CCDC85C: variants seen among roughly 807,000 people sequenced by gnomAD.
The protein encoded by CCDC85C is coiled-coil domain-containing protein 85C.
CCDC85C carries 18 observed loss-of-function variants against 38.3 expected under a neutral mutation model. The observed-to-expected ratio is 0.47, with a 90% CI of 0.33 to 0.70. The LOEUF (loss-of-function observed/expected upper bound fraction) is 0.70. Ranked by LOEUF, CCDC85C falls within the 30% of genes least tolerant of loss-of-function variation. The pLI is 0.03. For synonymous variants in CCDC85C, 264 were observed against 293.8 expected, an observed-to-expected ratio of 0.90 and a Z score of 1.04; for missense variants, 566 against 621.2, an observed-to-expected ratio of 0.91 and a Z score of 0.94.
Position 99,502,012 on chromosome 14 carries a change from TTAC to T in CCDC85C, c.*13231_*13233del. ...TCTGATTCTTTAAGGAATAGAGAAA[TTAC>T]TAACTATGGTTAAAGTAACTTAGTC... is the stretch of plus-strand genomic sequence containing the variant. On this transcript the variant is annotated 3_prime_UTR_variant, in exon 6 of 6. Coordinates refer to ENST00000380243, the MANE Select transcript of CCDC85C (RefSeq NM_001144995.2). 1 of 521,142 alleles carries T rather than the reference TTAC, an allele frequency of 1.9e-6. No individual in the cohort carries two copies. The highest frequency in any genetic ancestry group is 3.1e-6 in the Non-Finnish European group (1 of 321,044). 32.3% of individuals were successfully genotyped at this position (521,142 alleles called of 1,614,324 possible).
At chr14:99,599,403 G>A (rs1188387885) in intron 1 of CCDC85C, among the ~76,000 whole-genome samples, 9 of 152,158 alleles carry the variant, frequency 5.9e-5, no homozygotes, top group Admixed American at 5.9e-4. Context: ...GGTGCCTGTC[G>A]TGGGGCACAG....
chr14:99,557,238 T>G (rs1263741368), intron 1 of CCDC85C, among the ~76,000 whole-genome samples: 1 of 152,194 alleles, frequency 6.6e-6, no homozygotes, highest in African/African-American at 2.4e-5. Context: ...AGTGCTGTAG[T>G]CGGGATTTGA....
chr14:99,570,494 C>T (rs564325444), intron 1 of CCDC85C, among the ~76,000 whole-genome samples: 1 of 152,300 alleles, frequency 6.6e-6, no homozygotes, highest in East Asian at 1.9e-4. Flanking sequence ...GCCAGAGGGG[C>T]CCAGGCAGAG....
In CCDC85C at chr14:99,541,427, G is replaced by A. The variant is rs148222709; in HGVS notation, c.794-5339C>T. ...TGCCTGATGCTCCTGTCTCACACAC[G>A]CCTCCCTATGATCTTATATCTCAGG... is the stretch of plus-strand genomic sequence containing the variant. On this transcript the variant is annotated intron_variant, in intron 1 of 5. Coordinates refer to ENST00000380243, the MANE Select transcript of CCDC85C (RefSeq NM_001144995.2). Among the ~76,000 whole-genome samples the A allele has an allele frequency of 3.1e-3, 466 of 152,298 alleles. 4 individuals carry two copies. Among genetic ancestry groups the A allele is most frequent in the African/African-American group, 0.01 (417 of 41,562 alleles).
chr14:99,543,652 G>T (rs774925977), intron 1 of CCDC85C, among the ~76,000 whole-genome samples: 10 of 152,192 alleles, frequency 6.6e-5, no homozygotes, highest in African/African-American at 9.7e-5. Flanking sequence ...TGAGGGCACA[G>T]CCTGAGCAAA....
At chr14:99,585,726 G>A (rs969109204) in intron 1 of CCDC85C, among the ~76,000 whole-genome samples, 3 of 152,174 alleles carry the variant, frequency 2.0e-5, no homozygotes, top group Non-Finnish European at 4.4e-5. Flanking sequence ...CACGACTAGC[G>A]TTCAGATGCA....
Position 99,506,957 on chromosome 14 carries a change from C to G in CCDC85C, c.*8289G>C, listed in dbSNP as rs1397191264. The G allele has an allele frequency of 1.3e-6, 1 of 759,068 alleles. No individual in the cohort carries two copies. Among genetic ancestry groups the G allele is most frequent in the African/African-American group, 1.7e-5 (1 of 58,500 alleles). The allele number at this position is 759,068 out of a possible 1,614,324, so 47.0% of individuals were successfully genotyped here. On this transcript the variant is annotated 3_prime_UTR_variant, in exon 6 of 6. Coordinates refer to ENST00000380243, the MANE Select transcript of CCDC85C (RefSeq NM_001144995.2). ...AAACCTTCTTCAAGTTCCCTTAAAG[C>G]CTTGGTCATCTCTGTTGTTTTTCTC...
intron 1 of CCDC85C, among the ~76,000 whole-genome samples, chr14:99,565,617 C>G (rs1290020828): frequency 3.3e-5 from 5 of 152,156 alleles, no homozygotes; most frequent in African/African-American, 9.7e-5. Context: ...AGGCTGGGAG[C>G]GGGGGCAGGC....
rs1418327173 is a variant in CCDC85C at position 99,502,121 on chromosome 14, A to G, written c.*13125T>C. ...AATTTAGGGGAGAATAAGCAAATTA[A>G]TGGTTAGTTATGGCATCTCCATGCA... is the stretch of plus-strand genomic sequence containing the variant. On this transcript the variant is annotated 3_prime_UTR_variant, in exon 6 of 6. Coordinates refer to ENST00000380243, the MANE Select transcript of CCDC85C (RefSeq NM_001144995.2). The G allele has an allele frequency of 7.3e-7, 1 of 1,365,536 alleles. No homozygotes were observed. Among genetic ancestry groups the G allele is most frequent in the Non-Finnish European group, 9.7e-7 (1 of 1,033,048 alleles). The allele number at this position is 1,365,536 out of a possible 1,614,324, so 84.6% of individuals were successfully genotyped here.
chr14:99,562,906 C>T (rs1259303536), intron 1 of CCDC85C, among the ~76,000 whole-genome samples: 1 of 152,166 alleles, frequency 6.6e-6, no homozygotes, highest in Non-Finnish European at 1.5e-5. Flanking sequence ...TGTGCACACT[C>T]ACACACTCAC....
chr14:99,553,065 T>A (rs1263543366), intron 1 of CCDC85C, among the ~76,000 whole-genome samples: 1 of 152,206 alleles, frequency 6.6e-6, no homozygotes, highest in Non-Finnish European at 1.5e-5. Context: ...TGGGGTCAGC[T>A]GGGCCTCTGT....
rs1157191933 is a variant in CCDC85C at position 99,544,100 on chromosome 14, C to A, written c.794-8012G>T. 6.6e-6 allele frequency among the ~76,000 whole-genome samples: 1 copy of A among 152,178 alleles called. No individual in the cohort carries two copies. The highest frequency in any genetic ancestry group is 1.5e-5 in the Non-Finnish European group (1 of 68,032). ...ATATGCCAGCACACACGGAGCACAA[C>A]CCCATCACACCAAGCTGACGAGGGA... On this transcript the variant is annotated intron_variant, in intron 1 of 5. Transcript: ENST00000380243. The surrounding 1 kb of genome is among the most constrained non-coding windows in gnomAD (Gnocchi z 5.3).
At chr14:99,562,027 C>T (rs139622537) in intron 1 of CCDC85C, among the ~76,000 whole-genome samples, 1 of 152,322 alleles carries the variant, frequency 6.6e-6, no homozygotes, top group Admixed American at 6.5e-5. Flanking sequence ...ACACCTGCTT[C>T]CTTCAGCTCC....
rs761883162 is a variant in CCDC85C at position 99,503,655 on chromosome 14, GT to G, written c.*11590del. ...AGAACAAAGCAGCAGGTAATTTCCTGTTCTGATGTTTTTTTAGTTTTATGTG... is the reference window on the plus strand; with the variant it reads ...AGAACAAAGCAGCAGGTAATTTCCTGTCTGATGTTTTTTTAGTTTTATGTG... On this transcript the variant is annotated 3_prime_UTR_variant, in exon 6 of 6. Transcript: ENST00000380243. The G allele has an allele frequency of 6.4e-7, 1 of 1,553,460 alleles. No homozygotes were observed. The highest frequency in any genetic ancestry group is 8.7e-7 in the Non-Finnish European group (1 of 1,147,186).
At chr14:99,523,182 A>G in intron 2 of CCDC85C, among the ~76,000 whole-genome samples, 1 of 152,060 alleles carries the variant, frequency 6.6e-6, no homozygotes, top group East Asian at 1.9e-4. Flanking sequence ...CTGCAGGGGC[A>G]GGGGAGGCCC....
chr14:99,581,813 G>A (rs567256987), intron 1 of CCDC85C, among the ~76,000 whole-genome samples: 42 of 152,120 alleles, frequency 2.8e-4, no homozygotes, highest in Non-Finnish European at 3.2e-4. Flanking sequence ...TGCCATCTTC[G>A]GGCTGCGTGG....
In CCDC85C at chr14:99,600,422, A is replaced by G. The variant is rs1026029071; in HGVS notation, c.793+2745T>C. Among the ~76,000 whole-genome samples, 10 of 152,240 alleles carry G rather than the reference A, an allele frequency of 6.6e-5. 1 individual carries two copies. Among genetic ancestry groups the G allele is most frequent in the Admixed American group, 5.9e-4 (9 of 15,292 alleles). ...AACGGGGTTATCAGCCATCTGCTCA[A>G]TGGTCACTGATAAGGAAGTGACACT... On this transcript the variant is annotated intron_variant, in intron 1 of 5. Coordinates refer to ENST00000380243, the MANE Select transcript of CCDC85C (RefSeq NM_001144995.2).
intron 2 of CCDC85C, among the ~76,000 whole-genome samples, chr14:99,526,633 C>T (rs1897390141): frequency 6.6e-6 from 1 of 152,128 alleles, no homozygotes; most frequent in South Asian, 2.1e-4. Flanking sequence ...CAGGGAACAC[C>T]CCGTCCCCAA....
In CCDC85C at chr14:99,603,576, G is replaced by A. The variant is rs1390444631; in HGVS notation, c.384C>T (p.Arg128=). The A allele has an allele frequency of 3.6e-6, 5 of 1,405,344 alleles. No homozygotes were observed. In the South Asian group the frequency reaches 7.5e-5, roughly 21 times the overall value. The allele number at this position is 1,405,344 out of a possible 1,614,324, so 87.1% of individuals were successfully genotyped here. The change falls in exon 1 of 6, where the codon CGC becomes CGT. Residue 128 remains arginine, a synonymous_variant. Coordinates refer to ENST00000380243, the MANE Select transcript of CCDC85C (RefSeq NM_001144995.2). The surrounding 1 kb of genome is among the most constrained non-coding windows in gnomAD (Gnocchi z 7.5). ...HEVARSQQKL[R]ELEARQEALL... is the part of the protein sequence containing the mutation. ...GGGCCTCCTGGCGCGCCTCGAGCTC[G>A]CGCAGCTTCTGCTGCGAGCGGGCCA...
Sources: allele counts gnomAD v4.1 joint callset (sites outside exome capture counted in the v4.1 genomes callset), GRCh38; gene constraint gnomAD v4.1.1; non-coding constraint Gnocchi (gnomAD v3.1); transcripts MANE v1.5; gene names NCBI Gene and HGNC (gene_info 2026-07-23, HGNC 2026-07-21).